CEP128: variants seen among roughly 807,000 people sequenced by gnomAD.
CEP128 encodes the protein centrosomal protein 128.
A neutral mutation model predicts 156.7 loss-of-function variants in CEP128; 132 were observed. The observed-to-expected ratio is 0.84, with a 90% CI of 0.73 to 0.97. The LOEUF is 0.97. CEP128 is among the 50% of genes least tolerant of loss of function. The probability of loss-of-function intolerance (pLI) is 0.00; values close to 1 mark genes in which losing one functional copy is unlikely to be tolerated. For missense variants in CEP128, 1,252 were observed against 1,281.9 expected (o/e 0.98, Z 0.36); for synonymous variants, 469 against 448.9 (o/e 1.04, Z -0.57).
At chr14:80,706,307 C>T (rs1230016360) in intron 19 of CEP128, among the ~76,000 whole-genome samples, 1 of 152,222 alleles carries the variant, frequency 6.6e-6, no homozygotes, top group African/African-American at 2.4e-5. Flanking sequence ...GTACACTTTG[C>T]CCAGTTTTCC....
chr14:80,909,502 CT>C (rs1278002078), intron 4 of CEP128, among the ~76,000 whole-genome samples: 3 of 151,966 alleles, frequency 2.0e-5, no homozygotes, highest in African/African-American at 7.3e-5. Flanking sequence ...AAAATCTAAT[CT>C]ATCAACCCCA....
chr14:80,593,546 CAA>C (rs780221928), intron 19 of CEP128, among the ~76,000 whole-genome samples: 9 of 77,840 alleles, frequency 1.2e-4, no homozygotes, highest in South Asian at 4.6e-4. Flanking sequence ...GACTCCATCT[CAA>C]AAAAAAAAAA....
chr14:80,573,680 G>A (rs1303830604), intron 20 of CEP128, among the ~76,000 whole-genome samples: 2 of 152,174 alleles, frequency 1.3e-5, no homozygotes, highest in African/African-American at 4.8e-5. Flanking sequence ...GTCTCTTGAT[G>A]TAGTAAATTG....
chr14:80,549,212 G>A (rs80154541), intron 21 of CEP128, among the ~76,000 whole-genome samples: 1,808 of 152,270 alleles, frequency 0.012, 38 homozygotes, highest in African/African-American at 0.041. Flanking sequence ...CCCTCGATGC[G>A]AATATACAGA....
rs758310850 is a variant in CEP128 at position 80,504,994 on chromosome 14, G to A, written c.3099C>T (p.Ser1033=). ...FKGDRTFLEG[S]HTRGLDHSSS... ...ATGAGTGATCTAACCCACGAGTGTG[G>A]GAACCTTCCAGAAAGGTTCTGTCAC... is the stretch of plus-strand genomic sequence containing the variant. The change falls in exon 24 of 25, where the codon TCC becomes TCT. Residue 1033 remains serine, a synonymous_variant. Transcript: ENST00000555265. The A allele has an allele frequency of 5.0e-6, 8 of 1,597,162 alleles. No individual in the cohort carries two copies. The Admixed American group carries it at 6.8e-5, about 14-fold the overall frequency.
intron 22 of CEP128, among the ~76,000 whole-genome samples, chr14:80,529,631 A>C (rs1889135001): frequency 6.6e-6 from 1 of 152,290 alleles, no homozygotes; most frequent in African/African-American, 2.4e-5. Context: ...TTACTTGGAT[A>C]ATTTAGTTAC....
chr14:80,531,133 C>T (rs1889206879), intron 21 of CEP128: 1 of 229,662 alleles, frequency 4.4e-6, no homozygotes. Flanking sequence ...AAAATTCTTC[C>T]TGGATAATTG....
intron 2 of CEP128, chr14:80,955,934 A>G (rs1401909499): frequency 2.6e-6 from 4 of 1,535,242 alleles, no homozygotes; most frequent in Admixed American, 3.3e-5. Flanking sequence ...AAGCAGCTCA[A>G]TAACAGCCCG....
chr14:80,692,756 T>C (rs189459920), intron 19 of CEP128, among the ~76,000 whole-genome samples: 144 of 152,332 alleles, frequency 9.5e-4, no homozygotes, highest in African/African-American at 3.2e-3. Flanking sequence ...ATTTACAACA[T>C]GATTCTTCAC....
At chr14:80,913,905 T>C (rs1049126526) in intron 4 of CEP128, among the ~76,000 whole-genome samples, 1 of 152,236 alleles carries the variant, frequency 6.6e-6, no homozygotes, top group African/African-American at 2.4e-5. Context: ...AACCACTTGT[T>C]CCACTACAGC....
At chr14:80,804,365 T>C (rs1234641383) in intron 13 of CEP128, among the ~76,000 whole-genome samples, 1 of 152,116 alleles carries the variant, frequency 6.6e-6, no homozygotes, top group African/African-American at 2.4e-5. Flanking sequence ...ATGATAATGA[T>C]ATTTCAAACA....
chr14:80,747,638 C>G (rs1370460451), intron 18 of CEP128, among the ~76,000 whole-genome samples: 1 of 152,190 alleles, frequency 6.6e-6, no homozygotes, highest in Non-Finnish European at 1.5e-5. Context: ...GAAACCCTGT[C>G]TCTACTAAAA....
chr14:80,490,330 T>C (rs1887282460), downstream of CEP128: 3 of 151,872 alleles, frequency 2.0e-5, no homozygotes, highest in South Asian at 6.2e-4. Flanking sequence ...AATGTTACTC[T>C]GAAACACAGT....
intron 8 of CEP128, among the ~76,000 whole-genome samples, chr14:80,877,865 A>T (rs142965480): frequency 6.6e-6 from 1 of 152,228 alleles, no homozygotes; most frequent in East Asian, 1.9e-4. Context: ...CACAGACAAG[A>T]CAATACCCAC....
intron 12 of CEP128, among the ~76,000 whole-genome samples, chr14:80,834,581 T>TA (rs1330894931): frequency 3.3e-5 from 5 of 152,186 alleles, no homozygotes; most frequent in African/African-American, 1.2e-4. Flanking sequence ...CATTATCACA[T>TA]ATATAAAAAA....
At chr14:80,596,931 G>T (rs1334297216) in intron 19 of CEP128, among the ~76,000 whole-genome samples, 1 of 149,782 alleles carries the variant, frequency 6.7e-6, no homozygotes. Flanking sequence ...GTTCTGAGAG[G>T]AAAATTTATG....
chr14:80,669,903 G>A (rs1895770279), intron 19 of CEP128, among the ~76,000 whole-genome samples: 1 of 152,146 alleles, frequency 6.6e-6, no homozygotes, highest in East Asian at 1.9e-4. Flanking sequence ...TCTGCAGGCT[G>A]TACAGGAAGT....
intron 19 of CEP128, among the ~76,000 whole-genome samples, chr14:80,622,851 A>G (rs888083265): frequency 6.7e-6 from 1 of 149,278 alleles, no homozygotes; most frequent in Non-Finnish European, 1.5e-5. Flanking sequence ...ACACTTTTAC[A>G]CTGTTGGTGG....
intron 21 of CEP128, among the ~76,000 whole-genome samples, chr14:80,544,879 A>T (rs576233076): frequency 1.3e-5 from 2 of 152,280 alleles, no homozygotes; most frequent in South Asian, 4.2e-4. Context: ...GGGACTTACT[A>T]TGTTTTAAAA....
Sources: allele counts gnomAD v4.1 joint callset (sites outside exome capture counted in the v4.1 genomes callset), GRCh38; gene constraint gnomAD v4.1.1; transcripts MANE v1.5; gene names NCBI Gene and HGNC (gene_info 2026-07-23, HGNC 2026-07-21).